BRIP1: variants seen among roughly 807,000 people sequenced by gnomAD.
The protein encoded by BRIP1 is BRCA1 interacting DNA helicase 1, also known as Fanconi anemia group J protein.
A neutral mutation model predicts 119.7 loss-of-function variants in BRIP1; 88 were observed. The ratio of observed to expected loss-of-function variants is 0.74; its 90% confidence interval spans 0.62 to 0.88. The LOEUF is 0.88. Among genes scored for constraint, BRIP1 ranks in the 40% least tolerant of loss-of-function variants. The pLI is 0.00. For synonymous variants in BRIP1, 443 were observed against 496.5 expected (o/e 0.89, Z 1.43); for missense variants, 1,259 against 1,455.4 (o/e 0.87, Z 2.20).
rs917582694 is a variant in BRIP1, at chr17:61,845,984, C to A, written c.627+1117G>T. Among the ~76,000 whole-genome samples the A allele has an allele frequency of 2.0e-5, 3 of 152,020 alleles. No homozygotes were observed. Among genetic ancestry groups the A allele is most frequent in the Admixed American group, 2.0e-4 (3 of 15,256 alleles). On this transcript the variant is annotated intron_variant, in intron 6 of 19. Transcript: ENST00000259008. This position sits in a 1 kb window ranked among gnomAD's most constrained non-coding sequence, Gnocchi z 4.2. ...GATCACGAGGTCAGAAGATCGAGAC[C>A]ATCCTGGCTAACGTGGTGAAACCCC... is the stretch of plus-strand genomic sequence containing the variant.
At chr17:61,788,721 C>T (rs913413543) in intron 10 of BRIP1, among the ~76,000 whole-genome samples, 3 of 152,058 alleles carry the variant, frequency 2.0e-5, no homozygotes, top group East Asian at 1.9e-4. Flanking sequence ...TTCAGGAGGC[C>T]GAGGTGGGAG....
At chr17:61,787,224 ACT>A (rs2077736987) in intron 10 of BRIP1, among the ~76,000 whole-genome samples, 2 of 66,684 alleles carry the variant, frequency 3.0e-5, no homozygotes, top group African/African-American at 1.4e-4. Context: ...TATATTATAT[ACT>A]ATATAAAATA....
At chr17:61,721,267 CT>C (rs11326516) in intron 16 of BRIP1, among the ~76,000 whole-genome samples, 4,209 of 114,152 alleles carry the variant, frequency 0.037, 249 homozygotes, top group African/African-American at 0.13. Flanking sequence ...AAAATCTAAG[CT>C]TTTTTTTTTT....
Position 61,845,302 on chromosome 17 carries a change from G to A in BRIP1, c.627+1799C>T, listed in dbSNP as rs887654384. ...AAATCTGTGGTTGCCTGGGAATGGG[G>A]GGACAGGGCAGAAAAAAGGTCCATC... On this transcript the variant is annotated intron_variant, in intron 6 of 19. Transcript: ENST00000259008. The surrounding 1 kb of genome is among the most constrained non-coding windows in gnomAD (Gnocchi z 4.2). 6.6e-6 allele frequency among the ~76,000 whole-genome samples: 1 copy of A among 152,154 alleles called. No individual in the cohort carries two copies. Among genetic ancestry groups the A allele is most frequent in the Non-Finnish European group, 1.5e-5 (1 of 68,016 alleles).
chr17:61,725,328 A>C lies in BRIP1; in HGVS notation c.2380-9265T>G, dbSNP rs1187638836. 6.6e-6 allele frequency among the ~76,000 whole-genome samples: 1 copy of C among 152,202 alleles called. No individual in the cohort carries two copies. Among genetic ancestry groups the C allele is most frequent in the Non-Finnish European group, 1.5e-5 (1 of 68,030 alleles). On this transcript the variant is annotated intron_variant, in intron 16 of 19. Coordinates refer to ENST00000259008, the MANE Select transcript of BRIP1 (RefSeq NM_032043.3). The surrounding 1 kb of genome is among the most constrained non-coding windows in gnomAD (Gnocchi z 5.3). ...TAATCTATCAAGACATAGTAACAGC[A>C]ATATATTTCACATATGCTTTAAGAC...
chr17:61,757,936 T>A lies in BRIP1; in HGVS notation c.2098-13345A>T, dbSNP rs185309781. ...TGAGCCAGGGAGGTAAAGACTACAGTGAGCCAGTGATTGTACCACCACATT... is the reference window on the plus strand; with the variant it reads ...TGAGCCAGGGAGGTAAAGACTACAGAGAGCCAGTGATTGTACCACCACATT... On this transcript the variant is annotated intron_variant, in intron 14 of 19. Coordinates refer to ENST00000259008, the MANE Select transcript of BRIP1 (RefSeq NM_032043.3). This position sits in a 1 kb window ranked among gnomAD's most constrained non-coding sequence, Gnocchi z 4.3. Among the ~76,000 whole-genome samples the A allele has an allele frequency of 7.4e-4, 112 of 150,702 alleles. No homozygotes were observed. The highest frequency in any genetic ancestry group is 1.5e-3 in the Non-Finnish European group (100 of 67,722).
At chr17:61,714,338 C>T (rs990427807) in intron 17 of BRIP1, among the ~76,000 whole-genome samples, 3 of 152,168 alleles carry the variant, frequency 2.0e-5, no homozygotes, top group Non-Finnish European at 4.4e-5. Flanking sequence ...AAGCTCTATT[C>T]GTGGTAAGTG....
In BRIP1 at chr17:61,693,593, GA is replaced by G. The variant is rs2061480699; in HGVS notation, c.2493-82del. ...TTCCAGTGGGACAGACAGAAAATTG[GA>G]AAAAAATCAATTTTATAGATTCCTT... On this transcript the variant is annotated intron_variant, in intron 17 of 19. Transcript: ENST00000259008. This position sits in a 1 kb window ranked among gnomAD's most constrained non-coding sequence, Gnocchi z 4.2. The G allele has an allele frequency of 1.1e-5, 13 of 1,190,146 alleles. No individual in the cohort carries two copies. The South Asian group carries it at 1.3e-4, about 11-fold the overall frequency. 73.7% of individuals were successfully genotyped at this position (1,190,146 alleles called of 1,614,324 possible). A position where few individuals can be genotyped will look rare whatever the true frequency, so the allele number is the denominator to read the frequency against.
At position 61,761,581 on chromosome 17, in the gene BRIP1, C is replaced by A. The variant is rs953270425; in HGVS notation, c.2097+14820G>T. Among the ~76,000 whole-genome samples, 2 of 151,898 alleles carry A rather than the reference C, an allele frequency of 1.3e-5. No individual in the cohort carries two copies. The highest frequency in any genetic ancestry group is 2.9e-5 in the Non-Finnish European group (2 of 67,888). On this transcript the variant is annotated intron_variant, in intron 14 of 19. Transcript: ENST00000259008. The surrounding 1 kb of genome is among the most constrained non-coding windows in gnomAD (Gnocchi z 6.4). ...ACAGTAAACTTGCAGGATACAAAAT[C>A]AACACACAAAAAATCAGTAGCATTT...
rs1603346684 is a variant in BRIP1 at position 61,808,524 on chromosome 17, C to G, written c.861G>C (p.Glu287Asp). The G allele has an allele frequency of 6.2e-7, 1 of 1,613,794 alleles. No individual in the cohort carries two copies. Among genetic ancestry groups the G allele is most frequent in the Non-Finnish European group, 8.5e-7 (1 of 1,179,734 alleles). The change falls in exon 7 of 20, where the codon GAG (glutamate) becomes GAC (aspartate). Residue 287 changes from glutamate to aspartate, a missense_variant. Glu to Asp is a conservative substitution (Grantham distance 45). Around this residue, in one of 3 missense-constraint regions of BRIP1, gnomAD observed 501 missense variants for 544.0 expected, o/e 0.92. Transcript: ENST00000259008. The surrounding 1 kb of genome is among the most constrained non-coding windows in gnomAD (Gnocchi z 4.1). ...SSRDHTCVHP[E>D]VVGNFNRNEK... is the part of the protein sequence containing the mutation. ...CATTTCTGTTGAAGTTACCGACTACCTCAGGATGGACACAAGTATGATCCC... is the reference window on the plus strand; with the variant it reads ...CATTTCTGTTGAAGTTACCGACTACGTCAGGATGGACACAAGTATGATCCC...
rs1418916746 is a variant in BRIP1 at position 61,754,126 on chromosome 17, A to G, written c.2098-9535T>C. 6.6e-6 allele frequency among the ~76,000 whole-genome samples: 1 copy of G among 152,196 alleles called. No homozygotes were observed. On this transcript the variant is annotated intron_variant, in intron 14 of 19. Coordinates refer to ENST00000259008, the MANE Select transcript of BRIP1 (RefSeq NM_032043.3). The surrounding 1 kb of genome is among the most constrained non-coding windows in gnomAD (Gnocchi z 4.1). ...GTCCATTTTCCATACAGCAGCCAACATAATCCTTTTAAAACTAAGTTTAAA... is the reference window on the plus strand; with the variant it reads ...GTCCATTTTCCATACAGCAGCCAACGTAATCCTTTTAAAACTAAGTTTAAA...
rs556475570 is a variant in BRIP1, at chr17:61,808,923, A to G, written c.628-166T>C. ...AACTTGCCATTAAAGAAAAAACTAC[A>G]ATTTAAAATTGGTCCTCATTCTTTC... On this transcript the variant is annotated intron_variant, in intron 6 of 19. Transcript: ENST00000259008. The surrounding 1 kb of genome is among the most constrained non-coding windows in gnomAD (Gnocchi z 4.1). Among the ~76,000 whole-genome samples, 148 of 152,306 alleles carry G rather than the reference A, an allele frequency of 9.7e-4. No individual in the cohort carries two copies. The highest frequency in any genetic ancestry group is 1.9e-3 in the Non-Finnish European group (126 of 68,008).
chr17:61,770,454 A>G lies in BRIP1; in HGVS notation c.2097+5947T>C, dbSNP rs763270330. 6.6e-6 allele frequency among the ~76,000 whole-genome samples: 1 copy of G among 152,248 alleles called. No individual in the cohort carries two copies. The highest frequency in any genetic ancestry group is 2.4e-5 in the African/African-American group (1 of 41,464). On this transcript the variant is annotated intron_variant, in intron 14 of 19. Transcript: ENST00000259008. The surrounding 1 kb of genome is among the most constrained non-coding windows in gnomAD (Gnocchi z 4.7). ...CTACAAGGTAGTTATAAAAGACAGT[A>G]TAAAATGTGTTTTAACATAGATACA...
intron 3 of BRIP1, among the ~76,000 whole-genome samples, 171 bp downstream of exon 3, chr17:61,859,625 T>C (rs570526283): frequency 1.9e-4 from 29 of 152,242 alleles, no homozygotes; most frequent in Non-Finnish European, 4.1e-4. Context: ...ATTAAACATA[T>C]TTTGCTATAT....
Position 61,845,401 on chromosome 17 carries a change from T to C in BRIP1, c.627+1700A>G, listed in dbSNP as rs1194550784. ...TATCATGCACTGGTCATTTAAATAA[T>C]ATTTAGTTCGCTGAGTTTAAGTTCA... On this transcript the variant is annotated intron_variant, in intron 6 of 19. Transcript: ENST00000259008. This position sits in a 1 kb window ranked among gnomAD's most constrained non-coding sequence, Gnocchi z 4.2. 6.6e-6 allele frequency among the ~76,000 whole-genome samples: 1 copy of C among 152,230 alleles called. No homozygotes were observed. Among genetic ancestry groups the C allele is most frequent in the African/African-American group, 2.4e-5 (1 of 41,460 alleles).
rs1306318962 is a variant in BRIP1 at position 61,793,524 on chromosome 17, A to T, written c.1473+73T>A. 7.0e-7 allele frequency: 1 copy of T among 1,429,086 alleles called. No individual in the cohort carries two copies. Among genetic ancestry groups the T allele is most frequent in the Non-Finnish European group, 9.6e-7 (1 of 1,038,844 alleles). 88.5% of individuals were successfully genotyped at this position (1,429,086 alleles called of 1,614,324 possible). A position where few individuals can be genotyped will look rare whatever the true frequency, so the allele number is the denominator to read the frequency against. ...CAATTCTGGGTTACTCACTAGATTT[A>T]ATCTGGATTTAGTCACGACTAAATC... On this transcript the variant is annotated intron_variant, in intron 10 of 19. Coordinates refer to ENST00000259008, the MANE Select transcript of BRIP1 (RefSeq NM_032043.3). This position sits in a 1 kb window ranked among gnomAD's most constrained non-coding sequence, Gnocchi z 5.2.
intron 10 of BRIP1, among the ~76,000 whole-genome samples, chr17:61,787,644 T>C (rs749955792): frequency 1.2e-4 from 18 of 151,640 alleles, no homozygotes; most frequent in East Asian, 5.8e-4. Flanking sequence ...TTTTTTTTAT[T>C]TTATTTTATT....
At position 61,825,291 on chromosome 17, in the gene BRIP1, A is replaced by G. The variant is rs867059306; in HGVS notation, c.628-16534T>C. Among the ~76,000 whole-genome samples the G allele has an allele frequency of 9.2e-4, 136 of 147,670 alleles. No homozygotes were observed. Among genetic ancestry groups the G allele is most frequent in the African/African-American group, 3.3e-3 (131 of 40,238 alleles). On this transcript the variant is annotated intron_variant, in intron 6 of 19. Coordinates refer to ENST00000259008, the MANE Select transcript of BRIP1 (RefSeq NM_032043.3). This position sits in a 1 kb window ranked among gnomAD's most constrained non-coding sequence, Gnocchi z 4.1. ...CAGAGCAAGACTCTGTCTCAAAACG[A>G]AAAAAAAAAGAAAAGAAAAGAAAAG...
Position 61,735,298 on chromosome 17 carries a change from A to C in BRIP1, c.2379+7715T>G, listed in dbSNP as rs2076901943. 6.6e-6 allele frequency among the ~76,000 whole-genome samples: 1 copy of C among 152,174 alleles called. No individual in the cohort carries two copies. The highest frequency in any genetic ancestry group is 2.1e-4 in the South Asian group (1 of 4,828). ...TAATTAGGTTATATTATATAGCAAA[A>C]ATGATGGGAAGTTATTCCCATGATT... is the stretch of plus-strand genomic sequence containing the variant. On this transcript the variant is annotated intron_variant, in intron 16 of 19. Coordinates refer to ENST00000259008, the MANE Select transcript of BRIP1 (RefSeq NM_032043.3). The surrounding 1 kb of genome is among the most constrained non-coding windows in gnomAD (Gnocchi z 4.4).
Sources: gnomAD v4.1 joint callset for allele counts (sites outside exome capture counted in the v4.1 genomes callset) on GRCh38, gnomAD v4.1.1 for gene constraint, gnomAD v4.1.1 regional missense constraint, Gnocchi (gnomAD v3.1) non-coding constraint, MANE v1.5 for transcripts, NCBI Gene and HGNC (gene_info 2026-07-23, HGNC 2026-07-21) for gene names.